The following IL1RN variants were observed in gnomAD, a reference collection of about 807,000 sequenced individuals.
The protein encoded by IL1RN is interleukin-1 receptor antagonist protein.
IL1RN carries 10 observed loss-of-function variants against 13.7 expected under a neutral mutation model. That is an observed-to-expected ratio of 0.73 (90% CI 0.45 to 1.24). The LOEUF (loss-of-function observed/expected upper bound fraction) is 1.24. Among genes scored for constraint, IL1RN ranks in the 50% most tolerant of loss-of-function variants. The pLI is 0.00. For missense variants in IL1RN, 213 were observed against 222.1 expected (o/e 0.96, Z 0.26); for synonymous variants, 102 against 82.7 (o/e 1.23, Z -1.27).
upstream of IL1RN, among the ~76,000 whole-genome samples, chr2:113,104,154 G>A: frequency 6.6e-6 from 1 of 152,180 alleles, no homozygotes; most frequent in East Asian, 1.9e-4. Flanking sequence ...GAGAGTTCCT[G>A]AGAAATGTCT....
chr2:113,126,826 T>C (rs1298636634), upstream of IL1RN, among the ~76,000 whole-genome samples: 1 of 152,188 alleles, frequency 6.6e-6, no homozygotes, highest in Non-Finnish European at 1.5e-5. Context: ...GTGGCAGAGG[T>C]TGAATTTAGA....
At chr2:113,127,070 CA>C (rs1686986745), upstream of IL1RN, among the ~76,000 whole-genome samples, 1 of 152,222 alleles carries the variant, frequency 6.6e-6, no homozygotes, top group African/African-American at 2.4e-5. Context: ...TTTTGTGAAA[CA>C]GACAGCTGAG....
At chr2:113,113,894 A>G (rs1686544715), upstream of IL1RN, among the ~76,000 whole-genome samples, 1 of 152,222 alleles carries the variant, frequency 6.6e-6, no homozygotes, top group Non-Finnish European at 1.5e-5. Context: ...CTGTGGATGC[A>G]CCATGCCAAT....
chr2:113,100,253 G>A, the IL1RN span, among the ~76,000 whole-genome samples: 1 of 150,994 alleles, frequency 6.6e-6, no homozygotes, highest in African/African-American at 2.4e-5. Context: ...ATGAACCTGG[G>A]AGGTGGAGCT....
At chr2:113,132,611 A>G (rs1687212121) in intron 3 of IL1RN, 45 bp from the exon 4 acceptor site, 1 of 1,552,394 alleles carries the variant, frequency 6.4e-7, no homozygotes, top group Non-Finnish European at 8.9e-7. Context: ...GCAGCACAGG[A>G]CTTCCTAGGC....
At chr2:113,119,723 G>A (rs1472486002) in intron 1 of IL1RN, among the ~76,000 whole-genome samples, 1 of 152,182 alleles carries the variant, frequency 6.6e-6, no homozygotes, top group Non-Finnish European at 1.5e-5. Flanking sequence ...ACACACAATA[G>A]GTGCTAAATA....
In IL1RN at chr2:113,132,639, C is replaced by T. The variant is rs200314326; in HGVS notation, c.319-17C>T. 6.3e-5 allele frequency: 101 copies of T among 1,611,182 alleles called. 1 individual carries two copies. In the East Asian group the frequency reaches 1.8e-3, roughly 29 times the overall value. On this transcript the variant is annotated splice_polypyrimidine_tract_variant and intron_variant, in intron 3 of 3. Coordinates refer to ENST00000409930, the MANE Select transcript of IL1RN (RefSeq NM_173842.3). ...TCCTAGGCCTCAGCTCTCACCTGCC[C>T]ATCTTTTGATTTCCAGGCAGTTAAC...
intron 1 of IL1RN, among the ~76,000 whole-genome samples, chr2:113,111,675 A>G (rs1472991121): frequency 6.6e-6 from 1 of 152,226 alleles, no homozygotes; most frequent in African/African-American, 2.4e-5. Flanking sequence ...TGAGGCTTGC[A>G]TTATGACTGC....
At position 113,129,171 on chromosome 2, in the gene IL1RN, C is replaced by A. The variant is rs76972016; in HGVS notation, c.117-405C>A. Among the ~76,000 whole-genome samples the A allele has an allele frequency of 1.3e-3, 205 of 152,346 alleles. 1 individual carries two copies. Among genetic ancestry groups the A allele is most frequent in the African/African-American group, 4.8e-3 (200 of 41,580 alleles). On this transcript the variant is annotated intron_variant, in intron 1 of 3. Transcript: ENST00000409930. ...AAATCCAGACCCTTGGTCACACTAT[C>A]CACATTTAAAGAGGTCAATAGCCAC...
upstream of IL1RN, among the ~76,000 whole-genome samples, chr2:113,122,809 T>C (rs1031345358): frequency 1.3e-5 from 2 of 152,122 alleles, no homozygotes; most frequent in African/African-American, 4.8e-5. Context: ...ACTCCAGCCA[T>C]CCTGAATAAT....
chr2:113,123,526 G>A (rs909317735), upstream of IL1RN, among the ~76,000 whole-genome samples: 1 of 152,190 alleles, frequency 6.6e-6, no homozygotes, highest in Non-Finnish European at 1.5e-5. Flanking sequence ...AGTCCTGCTA[G>A]GGTAGAGGTT....
chr2:113,130,970 A>G (rs1009803513), intron 2 of IL1RN, 75 bp from the exon 3 acceptor site: 21 of 973,014 alleles, frequency 2.2e-5, no homozygotes, highest in Non-Finnish European at 3.2e-5. Flanking sequence ...GGGGAGATAG[A>G]AAAATACCCG....
chr2:113,117,825 C>A (rs1686630445), upstream of IL1RN: 2 of 663,886 alleles, frequency 3.0e-6, no homozygotes, highest in African/African-American at 3.6e-5. Context: ...TGCTGGCCAA[C>A]CCTCTGTGAG....
At chr2:113,123,854 A>G (rs1322373696), upstream of IL1RN, among the ~76,000 whole-genome samples, 1 of 152,238 alleles carries the variant, frequency 6.6e-6, no homozygotes, top group African/African-American at 2.4e-5. Context: ...CAACTGTACA[A>G]AAAAGGAACC....
chr2:113,099,722 TC>T, the IL1RN span, among the ~76,000 whole-genome samples: 6 of 44,584 alleles, frequency 1.3e-4, no homozygotes, highest in African/African-American at 5.7e-4. Flanking sequence ...TCCTCTTCTT[TC>T]TTTTCTTTTT....
At chr2:113,102,317 C>T (rs891458349), upstream of IL1RN, among the ~76,000 whole-genome samples, 1 of 152,184 alleles carries the variant, frequency 6.6e-6, no homozygotes, top group Non-Finnish European at 1.5e-5. Flanking sequence ...TATAAGGACA[C>T]CAATTCTATT....
upstream of IL1RN, among the ~76,000 whole-genome samples, chr2:113,108,902 A>AT (rs1301157853): frequency 6.6e-6 from 1 of 152,248 alleles, no homozygotes; most frequent in Middle Eastern, 3.4e-3. Flanking sequence ...CATAAATCAT[A>AT]TTTTTTTGGG....
intron 1 of IL1RN, among the ~76,000 whole-genome samples, 191 bp from the exon 2 acceptor site, chr2:113,129,385 G>A (rs921576620): frequency 1.3e-5 from 2 of 152,186 alleles, no homozygotes; most frequent in East Asian, 1.9e-4. Flanking sequence ...AGCTGTGAGG[G>A]TTGGGCCTGC....
At chr2:113,106,721 C>A (rs906651913), upstream of IL1RN, among the ~76,000 whole-genome samples, 4 of 152,142 alleles carry the variant, frequency 2.6e-5, no homozygotes, top group Admixed American at 2.0e-4. Context: ...GAAGTGGTCC[C>A]AGTGATGTGG....
Sources: gnomAD v4.1 joint callset for allele counts (sites outside exome capture counted in the v4.1 genomes callset) on GRCh38, gnomAD v4.1.1 for gene constraint, MANE v1.5 for transcripts, NCBI Gene and HGNC (gene_info 2026-07-23, HGNC 2026-07-21) for gene names.